The following CDH4 variants were observed in gnomAD, a reference collection of about 807,000 sequenced individuals.
CDH4 encodes cadherin 4, also known as cadherin-4.
CDH4 carries 33 observed loss-of-function variants against 86.0 expected under a neutral mutation model. The ratio of observed to expected loss-of-function variants is 0.38; its 90% CI spans 0.29 to 0.51. The LOEUF (loss-of-function observed/expected upper bound fraction) is 0.51, where lower values mean the gene tolerates loss of function less well. Ranked by LOEUF, CDH4 falls within the 20% of genes least tolerant of loss-of-function variation. The probability of loss-of-function intolerance (pLI) is 0.86; values close to 1 mark genes in which losing one functional copy is unlikely to be tolerated. For synonymous variants in CDH4, 555 were observed against 549.4 expected, an observed-to-expected ratio of 1.01 and a Z score of -0.14; for missense variants, 1,114 against 1,307.4, an observed-to-expected ratio of 0.85 and a Z score of 2.28.
intron 2 of CDH4, among the ~76,000 whole-genome samples, chr20:61,337,953 C>T (rs1762489339): frequency 6.6e-6 from 1 of 152,014 alleles, no homozygotes; most frequent in Admixed American, 6.5e-5. Context: ...GGTTATTTCA[C>T]AATAGCATTT....
chr20:61,871,424 C>T (rs373802996), intron 6 of CDH4, among the ~76,000 whole-genome samples: 1 of 152,142 alleles, frequency 6.6e-6, no homozygotes, highest in East Asian at 1.9e-4. Context: ...TTATCCCTCT[C>T]CACGAATGAT....
chr20:61,414,938 C>G (rs1314135429), intron 2 of CDH4, among the ~76,000 whole-genome samples: 1 of 152,220 alleles, frequency 6.6e-6, no homozygotes, highest in Non-Finnish European at 1.5e-5. Flanking sequence ...GGGTGTGCCT[C>G]TCCATGGACC....
chr20:61,413,606 G>A (rs113251138), intron 2 of CDH4, among the ~76,000 whole-genome samples: 1,999 of 152,278 alleles, frequency 0.013, 46 homozygotes, highest in African/African-American at 0.045. Context: ...GGCTGTTACC[G>A]CCATTATTGT....
chr20:61,376,869 C>T (rs2084875644), intron 2 of CDH4, among the ~76,000 whole-genome samples: 1 of 152,234 alleles, frequency 6.6e-6, no homozygotes, highest in South Asian at 2.1e-4. Context: ...CCTCTCCTCT[C>T]TAGCACTTCC....
At position 61,810,123 on chromosome 20, in the gene CDH4, C is replaced by T. The variant is rs917571457; in HGVS notation, c.577-34545C>T. Among the ~76,000 whole-genome samples the T allele has an allele frequency of 2.6e-5, 4 of 152,028 alleles. No homozygotes were observed. In the East Asian group the frequency reaches 5.8e-4, roughly 22 times the overall value. On this transcript the variant is annotated intron_variant, in intron 4 of 15. Transcript: ENST00000614565. The surrounding 1 kb of genome is among the most constrained non-coding windows in gnomAD (Gnocchi z 4.3). ...TGGTCAGACCTGGACGGGCCTCAGC[C>T]GGGGTGGGGTGGGGGGCACCTGAGC...
rs1389986499 is a variant in CDH4, at chr20:61,501,939, G to A, written c.170-241624G>A. ...TGAGGAATGCCTGAGTGAGGACCCCGTGTAAAGTAAGATGAACCGAGTGGG... is the reference window on the plus strand; with the variant it reads ...TGAGGAATGCCTGAGTGAGGACCCCATGTAAAGTAAGATGAACCGAGTGGG... On this transcript the variant is annotated intron_variant, in intron 2 of 15. Coordinates refer to ENST00000614565, the MANE Select transcript of CDH4 (RefSeq NM_001794.5). This position sits in a 1 kb window ranked among gnomAD's most constrained non-coding sequence, Gnocchi z 4.2. 3.9e-5 allele frequency among the ~76,000 whole-genome samples: 6 copies of A among 152,156 alleles called. No individual in the cohort carries two copies. The highest frequency in any genetic ancestry group is 1.2e-4 in the African/African-American group (5 of 41,438).
At chr20:61,788,253 G>A (rs1290899500) in intron 4 of CDH4, among the ~76,000 whole-genome samples, 1 of 152,174 alleles carries the variant, frequency 6.6e-6, no homozygotes, top group East Asian at 1.9e-4. Flanking sequence ...ATGAGCATGG[G>A]GTCGCGGAGC....
chr20:61,495,122 G>A (rs981988582), intron 2 of CDH4, among the ~76,000 whole-genome samples: 1 of 152,252 alleles, frequency 6.6e-6, no homozygotes, highest in Non-Finnish European at 1.5e-5. Flanking sequence ...ACATGATCCT[G>A]TAGGAGCCGA....
chr20:61,294,250 G>A (rs1175656560), intron 2 of CDH4, among the ~76,000 whole-genome samples: 5 of 152,170 alleles, frequency 3.3e-5, no homozygotes, highest in South Asian at 2.1e-4. Flanking sequence ...CCTGAGCTGG[G>A]GTCTGCACCG....
At chr20:61,384,743 G>A (rs1021576156) in intron 2 of CDH4, among the ~76,000 whole-genome samples, 5 of 151,418 alleles carry the variant, frequency 3.3e-5, no homozygotes, top group Non-Finnish European at 5.9e-5. Flanking sequence ...TTTCACTTCT[G>A]GGGGTTCTCT....
intron 2 of CDH4, among the ~76,000 whole-genome samples, chr20:61,448,816 T>A (rs2085365623): frequency 6.6e-6 from 1 of 152,206 alleles, no homozygotes; most frequent in Admixed American, 6.5e-5. Flanking sequence ...CTGAAAAGGC[T>A]ATTCTTTCTT....
chr20:61,266,869 G>C (rs959199733), intron 2 of CDH4, among the ~76,000 whole-genome samples: 2 of 152,168 alleles, frequency 1.3e-5, no homozygotes, highest in Admixed American at 1.3e-4. Flanking sequence ...TGGAGAAAGG[G>C]TCTTTGCAGA....
chr20:61,932,893 A>G lies in CDH4; in HGVS notation c.2240-92A>G, dbSNP rs2055130915. 2.0e-6 allele frequency: 3 copies of G among 1,508,830 alleles called. No individual in the cohort carries two copies. The African/African-American group carries it at 4.1e-5, about 21-fold the overall frequency. 93.5% of individuals were successfully genotyped at this position (1,508,830 alleles called of 1,614,324 possible). A position where few individuals can be genotyped will look rare whatever the true frequency, so the allele number is the denominator to read the frequency against. ...ACAGTCATGCTTGTGTGCCACCTGC[A>G]TGTACATGCCCACATAGACACATGG... On this transcript the variant is annotated intron_variant, in intron 13 of 15. Transcript: ENST00000614565.
At chr20:61,299,943 C>A (rs1480714745) in intron 2 of CDH4, among the ~76,000 whole-genome samples, 1 of 152,174 alleles carries the variant, frequency 6.6e-6, no homozygotes, top group Non-Finnish European at 1.5e-5. Context: ...CCAGTGTGTC[C>A]ATTTGTAATG....
intron 2 of CDH4, among the ~76,000 whole-genome samples, chr20:61,382,066 A>G (rs1276777366): frequency 6.7e-6 from 1 of 148,374 alleles, no homozygotes; most frequent in Non-Finnish European, 1.5e-5. Flanking sequence ...ACAAGAAAAA[A>G]ACTCCATCTC....
intron 2 of CDH4, among the ~76,000 whole-genome samples, chr20:61,443,950 G>C (rs372953555): frequency 0.021 from 2,247 of 107,050 alleles, 22 homozygotes; most frequent in African/African-American, 0.051. Context: ...ATATCTGTGT[G>C]TGTGTCTGTG....
chr20:61,887,083 G>T (rs1240847082), intron 7 of CDH4, among the ~76,000 whole-genome samples: 5 of 152,202 alleles, frequency 3.3e-5, no homozygotes, highest in African/African-American at 1.2e-4. Flanking sequence ...CGCCTCATGA[G>T]CACATGCCTG....
At chr20:61,391,846 C>G (rs2084987851) in intron 2 of CDH4, among the ~76,000 whole-genome samples, 1 of 152,104 alleles carries the variant, frequency 6.6e-6, no homozygotes, top group Non-Finnish European at 1.5e-5. Context: ...GAGGCAAGCC[C>G]TTGGGTACAC....
At chr20:61,611,083 G>A (rs544907808) in intron 2 of CDH4, among the ~76,000 whole-genome samples, 2 of 152,190 alleles carry the variant, frequency 1.3e-5, no homozygotes, top group African/African-American at 4.8e-5. Flanking sequence ...CTCTTCGGTG[G>A]GGTGGAGGCT....
Sources: allele counts gnomAD v4.1 joint callset (sites outside exome capture counted in the v4.1 genomes callset), GRCh38; gene constraint gnomAD v4.1.1; non-coding constraint Gnocchi (gnomAD v3.1); transcripts MANE v1.5; gene names NCBI Gene and HGNC (gene_info 2026-07-23, HGNC 2026-07-21).